The following ERBB4 variants were observed in gnomAD, a reference collection of about 807,000 sequenced individuals.
The protein encoded by ERBB4 is receptor tyrosine-protein kinase erbB-4.
In ERBB4, 42 loss-of-function variants were observed where a neutral mutation model predicts 158.0. That is an observed-to-expected ratio of 0.27 (90% CI 0.21 to 0.34). ERBB4 has a LOEUF of 0.34. Ranked by LOEUF, ERBB4 falls within the 10% of genes least tolerant of loss-of-function variation. The pLI is 1.00. For synonymous variants in ERBB4, 583 were observed against 558.7 expected (o/e 1.04, Z -0.61); for missense variants, 1,333 against 1,624.1 (o/e 0.82, Z 3.08).
intron 1 of ERBB4, among the ~76,000 whole-genome samples, chr2:212,296,716 G>A (rs986417438): frequency 1.3e-5 from 2 of 151,930 alleles, no homozygotes; most frequent in African/African-American, 4.8e-5. Flanking sequence ...GAAATCCTCA[G>A]GAGAAGTTTG....
chr2:212,003,198 A>AAAGAAAGAAAGACGGAAGGAAGG (rs1559293620), intron 2 of ERBB4, among the ~76,000 whole-genome samples: 1 of 58,688 alleles, frequency 1.7e-5, no homozygotes, highest in African/African-American at 4.4e-5. Flanking sequence ...AGAAAGAAAG[A>AAAGAAAGAAAGACGGAAGGAAGG]AAGAAAGACA....
At chr2:212,303,172 G>A (rs1300697846) in intron 1 of ERBB4, among the ~76,000 whole-genome samples, 1 of 151,416 alleles carries the variant, frequency 6.6e-6, no homozygotes, top group East Asian at 2.0e-4. Flanking sequence ...GTCTTTTATA[G>A]AAAGGGCAGG....
chr2:211,530,966 A>G (rs962344393), intron 20 of ERBB4, among the ~76,000 whole-genome samples: 4 of 152,116 alleles, frequency 2.6e-5, no homozygotes, highest in African/African-American at 9.7e-5. Context: ...AAAAACAAAC[A>G]TGTAGACCAG....
rs1288022927 is a variant in ERBB4, at chr2:212,322,298, G to T, written c.83-197395C>A. Among the ~76,000 whole-genome samples the T allele has an allele frequency of 1.3e-5, 2 of 149,828 alleles. 1 individual carries two copies. Among genetic ancestry groups the T allele is most frequent in the Non-Finnish European group, 3.0e-5 (2 of 66,912 alleles). On this transcript the variant is annotated intron_variant, in intron 1 of 27. Coordinates refer to ENST00000342788, the MANE Select transcript of ERBB4 (RefSeq NM_005235.3). ...TCTCTTTTCCTTATGTGCATAATAGGGATAGTAAGAGCTCTTAAACAATGC... is the reference window on the plus strand; with the variant it reads ...TCTCTTTTCCTTATGTGCATAATAGTGATAGTAAGAGCTCTTAAACAATGC...
Position 212,381,049 on chromosome 2 carries a change from C to T in ERBB4, c.82+157400G>A, listed in dbSNP as rs917229578. On this transcript the variant is annotated intron_variant, in intron 1 of 27. Coordinates refer to ENST00000342788, the MANE Select transcript of ERBB4 (RefSeq NM_005235.3). Reference sequence around the variant, plus strand: ...ATTTAGAAAACAATAGTATCTTCACCGAAAAAAGTCATAGTTAAATGTCTT... The same window carrying T: ...ATTTAGAAAACAATAGTATCTTCACTGAAAAAAGTCATAGTTAAATGTCTT... Among the ~76,000 whole-genome samples, 4 of 150,962 alleles carry T rather than the reference C, an allele frequency of 2.6e-5. No individual in the cohort carries two copies. The South Asian group carries it at 6.2e-4, about 24-fold the overall frequency.
At chr2:211,647,178 C>T (rs1481906564) in intron 16 of ERBB4, among the ~76,000 whole-genome samples, 4 of 151,374 alleles carry the variant, frequency 2.6e-5, no homozygotes, top group Non-Finnish European at 5.9e-5. Context: ...ATGTTCTTTT[C>T]CTCTTAACTC....
At chr2:212,281,716 C>A (rs929223371) in intron 1 of ERBB4, among the ~76,000 whole-genome samples, 5 of 151,764 alleles carry the variant, frequency 3.3e-5, no homozygotes, top group Admixed American at 6.6e-5. Flanking sequence ...CATCAAATAA[C>A]CTGGAGCTTA....
intron 1 of ERBB4, among the ~76,000 whole-genome samples, chr2:212,389,918 G>T (rs2090800824): frequency 6.6e-6 from 1 of 151,304 alleles, no homozygotes; most frequent in Non-Finnish European, 1.5e-5. Context: ...CTCAAACCCA[G>T]GTCTGTCTTA....
intron 2 of ERBB4, among the ~76,000 whole-genome samples, chr2:212,031,993 C>T (rs1399094659): frequency 6.6e-6 from 1 of 151,896 alleles, no homozygotes; most frequent in African/African-American, 2.4e-5. Context: ...TCTCTTGGTG[C>T]CTGTTTTGAG....
intron 1 of ERBB4, among the ~76,000 whole-genome samples, chr2:212,534,043 A>T (rs1411669161): frequency 6.6e-6 from 1 of 152,216 alleles, no homozygotes; most frequent in Non-Finnish European, 1.5e-5. Context: ...CATTTATTTC[A>T]TTTATGTTTT....
At chr2:211,791,436 A>C (rs551687790) in intron 3 of ERBB4, among the ~76,000 whole-genome samples, 9 of 152,028 alleles carry the variant, frequency 5.9e-5, no homozygotes, top group African/African-American at 2.2e-4. Flanking sequence ...AATAAATGTT[A>C]AGAAAGATAG....
intron 1 of ERBB4, among the ~76,000 whole-genome samples, chr2:212,405,450 G>T (rs2091318889): frequency 6.6e-6 from 1 of 152,044 alleles, no homozygotes; most frequent in Non-Finnish European, 1.5e-5. Context: ...ACTAAAGGCA[G>T]AACTACCATT....
intron 2 of ERBB4, among the ~76,000 whole-genome samples, chr2:212,034,540 G>A (rs185171191): frequency 2.6e-5 from 4 of 152,068 alleles, no homozygotes; most frequent in Admixed American, 6.5e-5. Flanking sequence ...TTTACTCATT[G>A]ACTACTTCAG....
chr2:212,015,221 G>A (rs964662966), intron 2 of ERBB4, among the ~76,000 whole-genome samples: 11 of 147,842 alleles, frequency 7.4e-5, no homozygotes, highest in African/African-American at 1.8e-4. Flanking sequence ...AGCCAAGATC[G>A]CGCCACTGCA....
At chr2:212,524,957 C>T (rs1034667334) in intron 1 of ERBB4, among the ~76,000 whole-genome samples, 1 of 151,968 alleles carries the variant, frequency 6.6e-6, no homozygotes, top group Non-Finnish European at 1.5e-5. Flanking sequence ...CATTGTGCCA[C>T]GTATTAACTC....
chr2:212,276,868 A>C (rs1368764352), intron 1 of ERBB4, among the ~76,000 whole-genome samples: 1 of 151,768 alleles, frequency 6.6e-6, no homozygotes, highest in Non-Finnish European at 1.5e-5. Flanking sequence ...TGTAAATGCA[A>C]AGGGCCAATG....
At chr2:211,799,649 C>A (rs1178270782) in intron 3 of ERBB4, among the ~76,000 whole-genome samples, 1 of 152,124 alleles carries the variant, frequency 6.6e-6, no homozygotes, top group Non-Finnish European at 1.5e-5. Flanking sequence ...AATCTCAGTT[C>A]TCTTCTCTAT....
intron 19 of ERBB4, among the ~76,000 whole-genome samples, chr2:211,601,206 T>C (rs1027704021): frequency 2.0e-5 from 3 of 151,986 alleles, no homozygotes; most frequent in Non-Finnish European, 4.4e-5. Flanking sequence ...TATTATCATA[T>C]ACAATAACTG....
chr2:211,463,904 A>G (rs1172966534), intron 20 of ERBB4, among the ~76,000 whole-genome samples: 1 of 152,094 alleles, frequency 6.6e-6, no homozygotes, highest in East Asian at 1.9e-4. Context: ...TGCTGTAGCC[A>G]CACAGGCCTC....
Sources: allele counts gnomAD v4.1 joint callset (sites outside exome capture counted in the v4.1 genomes callset), GRCh38; gene constraint gnomAD v4.1.1; transcripts MANE v1.5; gene names NCBI Gene and HGNC (gene_info 2026-07-23, HGNC 2026-07-21).